The following SON variants were observed in gnomAD, a reference collection of about 807,000 sequenced individuals.
SON encodes the protein SON DNA and RNA binding protein, also known as protein SON.
SON carries 4 observed loss-of-function variants against 173.3 expected under a neutral mutation model. That is an observed-to-expected ratio of 0.02 (90% CI 0.01 to 0.05). The LOEUF is 0.05. SON is among the 10% of genes least tolerant of loss of function. The pLI, the probability that SON is intolerant of heterozygous loss-of-function variation, is 1.00. For synonymous variants in SON, 1,190 were observed against 1,105.9 expected (o/e 1.08, Z -1.51); for missense variants, 2,626 against 3,055.3 (o/e 0.86, Z 3.31).
intron 8 of SON, chr21:33,569,580 T>G (rs750878299): frequency 2.2e-6 from 1 of 461,846 alleles, no homozygotes; most frequent in East Asian, 7.5e-5. Flanking sequence ...CATTAGTGCC[T>G]GTGCCTTCTT....
intron 3 of SON, 136 bp from the exon 4 acceptor site, chr21:33,557,020 T>G: frequency 1.5e-6 from 1 of 675,234 alleles, no homozygotes; most frequent in Non-Finnish European, 2.3e-6. Flanking sequence ...TTCCTTTTTT[T>G]TTTTCTTTTT....
rs1479969712 is a variant in SON, at chr21:33,559,429, TAAATA to T, written c.6468+57_6468+61del. ...AAACAGTGTAACTTGTGGAACTATT[TAAATA>T]AAACCCAAATCGAATTTAGTTTATT... On this transcript the variant is annotated intron_variant, in intron 5 of 11. Transcript: ENST00000356577. This position sits in a 1 kb window ranked among gnomAD's most constrained non-coding sequence, Gnocchi z 4.1. 6.5e-7 allele frequency: 1 copy of T among 1,536,328 alleles called. No homozygotes were observed. Among genetic ancestry groups the T allele is most frequent in the East Asian group, 2.3e-5 (1 of 44,192 alleles).
intron 11 of SON, 53 bp from the exon 12 acceptor site, chr21:33,576,312 C>T: frequency 2.3e-6 from 2 of 864,300 alleles, no homozygotes; most frequent in South Asian, 2.7e-5. Flanking sequence ...AAATACAAAG[C>T]TAATAGATAT....
rs2086040342 is a variant in SON, at chr21:33,559,928, G to C, written c.6657+153G>C. 1 of 1,613,024 alleles carries C rather than the reference G, an allele frequency of 6.2e-7. No homozygotes were observed. Among genetic ancestry groups the C allele is most frequent in the Non-Finnish European group, 8.5e-7 (1 of 1,179,214 alleles). On this transcript the variant is annotated intron_variant, in intron 6 of 11. Coordinates refer to ENST00000356577, the MANE Select transcript of SON (RefSeq NM_138927.4). This position sits in a 1 kb window ranked among gnomAD's most constrained non-coding sequence, Gnocchi z 4.1. ...TAGACGACAGATGAAACAACCCGCA[G>C]CTTCTCATTTGACAGTAACTCGATG...
chr21:33,564,011 C>G (rs1230371198), intron 6 of SON, among the ~76,000 whole-genome samples: 1 of 152,090 alleles, frequency 6.6e-6, no homozygotes, highest in Non-Finnish European at 1.5e-5. Context: ...TAGAATATTA[C>G]TACAGAATTA....
At chr21:33,546,091 A>T in intron 1 of SON, 122 bp from the exon 2 acceptor site, 1 of 780,642 alleles carries the variant, frequency 1.3e-6, no homozygotes, top group Non-Finnish European at 2.0e-6. Context: ...GTGAATATCT[A>T]AAATAGGAAA....
rs569691233 is a variant in SON at position 33,552,906 on chromosome 21, A to G, written c.3675A>G (p.Ala1225=). 1.6e-5 allele frequency: 25 copies of G among 1,612,206 alleles called. No individual in the cohort carries two copies. The South Asian group carries it at 2.4e-4, about 16-fold the overall frequency. The part of the protein sequence containing the change: ...VSQSEISEPS[A]VPTDYSVSAS... ...AAAGTGAGATTTCGGAGCCTTCAGC[A>G]GTGCCTACTGATTATTCAGTGTCAG... Residue 1225 remains alanine, a synonymous_variant, in exon 3 of 12, where the codon GCA becomes GCG. Coordinates refer to ENST00000356577, the MANE Select transcript of SON (RefSeq NM_138927.4). The surrounding 1 kb of genome is among the most constrained non-coding windows in gnomAD (Gnocchi z 5.6).
intron 1 of SON, among the ~76,000 whole-genome samples, chr21:33,545,369 A>T (rs1460556347): frequency 6.6e-6 from 1 of 152,244 alleles, no homozygotes; most frequent in Non-Finnish European, 1.5e-5. Flanking sequence ...GTTTTTGACC[A>T]TTCAGACTTT....
chr21:33,568,620 A>C (rs1028190143), intron 7 of SON, among the ~76,000 whole-genome samples: 1 of 152,266 alleles, frequency 6.6e-6, no homozygotes, highest in African/African-American at 2.4e-5. Context: ...CCAGGCTGTC[A>C]TGACATGTAT....
intron 7 of SON, among the ~76,000 whole-genome samples, chr21:33,568,001 G>T (rs952913167): frequency 6.6e-6 from 1 of 152,180 alleles, no homozygotes; most frequent in African/African-American, 2.4e-5. Flanking sequence ...TCTGAATCTG[G>T]AGTCTGTGCT....
chr21:33,569,299 T>C (rs1002857109), intron 8 of SON: 13 of 496,172 alleles, frequency 2.6e-5, no homozygotes, highest in Admixed American at 1.5e-4. Flanking sequence ...CACTAACTTA[T>C]AAGGTTATTT....
intron 6 of SON, among the ~76,000 whole-genome samples, chr21:33,562,920 T>C (rs2086094761): frequency 6.6e-6 from 1 of 152,180 alleles, no homozygotes; most frequent in South Asian, 2.1e-4. Flanking sequence ...TCAAATGTTT[T>C]AGGGGTCCAG....
intron 8 of SON, chr21:33,572,717 CA>C: frequency 1.6e-6 from 1 of 613,010 alleles, no homozygotes; most frequent in Non-Finnish European, 2.7e-6. Context: ...GGCATACTTA[CA>C]GGATATTTTA....
At chr21:33,543,369 C>G in intron 1 of SON, 200 bp downstream of exon 1, 1 of 608,340 alleles carries the variant, frequency 1.6e-6, no homozygotes, top group Admixed American at 2.9e-5. Context: ...GGAACTTCGC[C>G]TTTTCCGAGG....
chr21:33,554,487 T>C lies in SON; in HGVS notation c.5256T>C (p.Ile1752=). Reference sequence around the variant, plus strand: ...GTCTTACAAGCCTTAGAGCTGGCATTGAAGGACCTTTACTTGCAAGTGATG... The same window carrying C: ...GTCTTACAAGCCTTAGAGCTGGCATCGAAGGACCTTTACTTGCAAGTGATG... The part of the protein sequence containing the change: ...MERLTSLRAG[I]EGPLLASDVG... The change falls in exon 3 of 12, where the codon ATT becomes ATC. Residue 1752 remains isoleucine, a synonymous_variant. Transcript: ENST00000356577. 3 of 1,614,176 alleles carry C rather than the reference T, an allele frequency of 1.9e-6. No homozygotes were observed. Among genetic ancestry groups the C allele is most frequent in the Non-Finnish European group, 2.5e-6 (3 of 1,180,034 alleles).
In SON at chr21:33,553,698, A is replaced by G. The variant is rs751085227; in HGVS notation, c.4467A>G (p.Leu1489=). Residue 1489 remains leucine (L), a synonymous_variant, in exon 3 of 12, where the codon CTA becomes CTG. Coordinates refer to ENST00000356577, the MANE Select transcript of SON (RefSeq NM_138927.4). ...MSSHVMKGIN[L]SSGDQNLAPE... ...CACATGTTATGAAAGGAATTAATCT[A>G]TCCTCTGGTGATCAAAATCTTGCTC... is the stretch of plus-strand genomic sequence containing the variant. 17 of 1,613,926 alleles carry G rather than the reference A, an allele frequency of 1.1e-5. No individual in the cohort carries two copies. The highest frequency in any genetic ancestry group is 5.0e-5 in the Admixed American group (3 of 60,000).
intron 3 of SON, 150 bp from the exon 4 acceptor site, chr21:33,557,005 GT>G (rs1167524575): frequency 4.6e-6 from 3 of 654,530 alleles, no homozygotes; most frequent in East Asian, 6.0e-5. Context: ...GATGCCTATA[GT>G]TTTTTCCTTT....
At chr21:33,557,507 G>T (rs1163147383) in intron 4 of SON, 191 bp downstream of exon 4, 2 of 1,550,788 alleles carry the variant, frequency 1.3e-6, no homozygotes, top group East Asian at 2.4e-5. Flanking sequence ...GCTAAGCTCC[G>T]CTAGCTAAAA....
chr21:33,571,583 G>T (rs2086286442), intron 8 of SON, among the ~76,000 whole-genome samples: 1 of 152,166 alleles, frequency 6.6e-6, no homozygotes, highest in South Asian at 2.1e-4. Context: ...GAATGATTTG[G>T]ATGTGACCTG....
Sources: allele counts gnomAD v4.1 joint callset (sites outside exome capture counted in the v4.1 genomes callset), GRCh38; gene constraint gnomAD v4.1.1; non-coding constraint Gnocchi (gnomAD v3.1); transcripts MANE v1.5; gene names NCBI Gene and HGNC (gene_info 2026-07-23, HGNC 2026-07-21).